Variants in CAMK2G observed in about 807,000 individuals in gnomAD.
The protein encoded by CAMK2G is calcium/calmodulin dependent protein kinase II gamma, also known as calcium/calmodulin-dependent protein kinase type II subunit gamma.
Under a neutral mutation model 88.7 loss-of-function variants are expected in CAMK2G, and 23 were observed. That is an observed-to-expected ratio of 0.26 (90% confidence interval 0.19 to 0.37). The LOEUF (loss-of-function observed/expected upper bound fraction) is 0.37. CAMK2G is among the 10% of genes least tolerant of loss of function. The pLI is 1.00. For synonymous variants in CAMK2G, 263 were observed against 294.8 expected (o/e 0.89, Z 1.11); for missense variants, 476 against 780.8 (o/e 0.61, Z 4.65).
intron 2 of CAMK2G, among the ~76,000 whole-genome samples, chr10:73,861,988 C>T (rs868259788): frequency 6.6e-5 from 10 of 152,282 alleles, no homozygotes; most frequent in African/African-American, 1.9e-4. Context: ...TCCCCGGAGT[C>T]CTCTTGGCCA....
At chr10:73,872,699 C>T (rs2095875146) in intron 2 of CAMK2G, among the ~76,000 whole-genome samples, 1 of 152,190 alleles carries the variant, frequency 6.6e-6, no homozygotes, top group African/African-American at 2.4e-5. Flanking sequence ...CATTCTGTAC[C>T]ACCCACTACC....
rs191806968 is a variant in CAMK2G, at chr10:73,829,199, A to G, written c.1054-1078T>C. ...AGGCTACAAATATTGACAATGGTCC[A>G]TAATTTAGAATTAGATTTAAAGGAA... On this transcript the variant is annotated intron_variant, in intron 14 of 22. Transcript: ENST00000423381. Among the ~76,000 whole-genome samples the G allele has an allele frequency of 2.9e-3, 436 of 152,334 alleles. 3 individuals are homozygous for G. Among genetic ancestry groups the G allele is most frequent in the Middle Eastern group, 0.01 (3 of 294 alleles).
chr10:73,847,460 G>T, intron 9 of CAMK2G, 113 bp from the exon 10 acceptor site: 1 of 1,138,270 alleles, frequency 8.8e-7, no homozygotes, highest in Non-Finnish European at 1.3e-6. Context: ...GGTACCTAAA[G>T]CTGTGACTGG....
At position 73,860,858 on chromosome 10, in the gene CAMK2G, TATCCG is replaced by T; in HGVS notation, c.187_191del (p.Arg63MetfsTer14). The T allele has an allele frequency of 6.2e-7, 1 of 1,613,812 alleles. No homozygotes were observed. Among genetic ancestry groups the T allele is most frequent in the Non-Finnish European group, 8.5e-7 (1 of 1,179,700 alleles). On this transcript the variant is annotated frameshift_variant, in exon 3 of 23. Transcript: ENST00000423381. LOFTEE classifies it high-confidence loss of function. ...TGTTTGGATGTTTCAGAAGTCGACA[TATCCG>T]AGCCTCACGTTCTAGTTTCTGGTGA...
At position 73,853,090 on chromosome 10, in the gene CAMK2G, C is replaced by T. The variant is rs2094757674; in HGVS notation, c.275+102G>A. ...CCTTTCCCTCGGACAAAGGAGGGGG[C>T]CCTGGGCGGAGGCTGGAGAGCCTGT... On this transcript the variant is annotated intron_variant, in intron 4 of 22. Transcript: ENST00000423381. 11 of 1,063,804 alleles carry T rather than the reference C, an allele frequency of 1.0e-5. No homozygotes were observed. The Admixed American group carries it at 2.0e-4, about 20-fold the overall frequency. 65.9% of individuals were successfully genotyped at this position (1,063,804 alleles called of 1,614,324 possible).
chr10:73,845,268 A>G (rs896183505), intron 10 of CAMK2G, among the ~76,000 whole-genome samples: 1 of 152,052 alleles, frequency 6.6e-6, no homozygotes, highest in East Asian at 1.9e-4. Flanking sequence ...AGGTTGCCAG[A>G]CTCAGCAGGC....
rs1022884593 is a variant in CAMK2G, at chr10:73,831,934, T to A, written c.1054-3813A>T. On this transcript the variant is annotated intron_variant, in intron 14 of 22. Transcript: ENST00000423381. ...TGTCTTACCTCTTTTCTTTTTTTTT[T>A]AATTGAGATGGAGTCTTGCTTATGT... 3.4e-4 allele frequency among the ~76,000 whole-genome samples: 52 copies of A among 152,122 alleles called. 1 individual carries two copies. The highest frequency in any genetic ancestry group is 1.6e-4 in the Non-Finnish European group (11 of 67,976).
intron 2 of CAMK2G, among the ~76,000 whole-genome samples, chr10:73,863,894 C>G (rs2095483739): frequency 6.6e-6 from 1 of 152,150 alleles, no homozygotes; most frequent in Non-Finnish European, 1.5e-5. Context: ...TCTCTGAACC[C>G]CAGGACTATA....
At chr10:73,819,261 C>T (rs919959350) in intron 19 of CAMK2G, among the ~76,000 whole-genome samples, 8 of 152,136 alleles carry the variant, frequency 5.3e-5, no homozygotes, top group African/African-American at 1.7e-4. Flanking sequence ...AGGCAAGGCC[C>T]ACTGCACATC....
At position 73,818,798 on chromosome 10, in the gene CAMK2G, G is replaced by A. The variant is rs185642062; in HGVS notation, c.1363+734C>T. On this transcript the variant is annotated intron_variant, in intron 19 of 22. Coordinates refer to ENST00000423381, the MANE Select transcript of CAMK2G (RefSeq NM_001367534.1). Reference sequence around the variant, plus strand: ...CAGACCCATCTGGATGACCTGACTGGGGCCCCACGGGCGAAGAGGGTTGTG... The same window carrying A: ...CAGACCCATCTGGATGACCTGACTGAGGCCCCACGGGCGAAGAGGGTTGTG... The A allele has an allele frequency of 2.4e-5, 11 of 456,246 alleles. No homozygotes were observed. In the Admixed American group the frequency reaches 2.6e-4, roughly 11 times the overall value. 28.3% of individuals were successfully genotyped at this position (456,246 alleles called of 1,614,324 possible).
chr10:73,868,233 G>A (rs558972418), intron 2 of CAMK2G, among the ~76,000 whole-genome samples: 108 of 152,256 alleles, frequency 7.1e-4, no homozygotes, highest in African/African-American at 2.2e-3. Context: ...GCACAGCTTC[G>A]AACAAGGGTA....
At chr10:73,870,772 C>T (rs1446929373) in intron 2 of CAMK2G, among the ~76,000 whole-genome samples, 2 of 152,126 alleles carry the variant, frequency 1.3e-5, no homozygotes, top group East Asian at 3.9e-4. Context: ...AGTGGCTGCA[C>T]CTTTATAAAA....
intron 3 of CAMK2G, among the ~76,000 whole-genome samples, chr10:73,854,356 C>T (rs564464459): frequency 2.0e-5 from 3 of 152,342 alleles, no homozygotes; most frequent in African/African-American, 7.2e-5. Flanking sequence ...TCTGAGGTCT[C>T]CTCTTCAAGT....
At chr10:73,845,534 G>A (rs547520981) in intron 10 of CAMK2G, among the ~76,000 whole-genome samples, 3 of 148,614 alleles carry the variant, frequency 2.0e-5, no homozygotes, top group Non-Finnish European at 3.0e-5. Context: ...GTGAGACCGC[G>A]CCACTGCACT....
At chr10:73,827,149 C>T (rs1279950082) in intron 15 of CAMK2G, among the ~76,000 whole-genome samples, 1 of 152,246 alleles carries the variant, frequency 6.6e-6, no homozygotes, top group Non-Finnish European at 1.5e-5. Flanking sequence ...CCCACAAAAC[C>T]TGCAGAGGGC....
chr10:73,819,671 A>T, intron 18 of CAMK2G, 26 bp from the exon 19 acceptor site: 1 of 1,422,968 alleles, frequency 7.0e-7, no homozygotes, highest in South Asian at 1.3e-5. Context: ...AGGGCAGGGC[A>T]GGGCAAGGCA....
chr10:73,841,769 T>C (rs2093803717), intron 12 of CAMK2G: 1 of 180,472 alleles, frequency 5.5e-6, no homozygotes, highest in Non-Finnish European at 1.2e-5. Flanking sequence ...AGCAGGCAAA[T>C]GAATGGTGGC....
At chr10:73,816,860 C>A in intron 21 of CAMK2G, 163 bp downstream of exon 21, 1 of 1,595,980 alleles carries the variant, frequency 6.3e-7, no homozygotes, top group Non-Finnish European at 8.5e-7. Context: ...AGGTGCCTGT[C>A]TACAACCATC....
At chr10:73,856,004 T>A (rs935303688) in intron 3 of CAMK2G, among the ~76,000 whole-genome samples, 7 of 152,008 alleles carry the variant, frequency 4.6e-5, no homozygotes, top group Non-Finnish European at 8.8e-5. Context: ...GAGATCCTGG[T>A]CTTGAGCCAT....
Sources: gnomAD v4.1 joint callset for allele counts (sites outside exome capture counted in the v4.1 genomes callset) on GRCh38, gnomAD v4.1.1 for gene constraint, MANE v1.5 for transcripts, NCBI Gene and HGNC (gene_info 2026-07-23, HGNC 2026-07-21) for gene names.